Variants in PSD3 observed in about 807,000 individuals in gnomAD.
The protein encoded by PSD3 is PH and SEC7 domain-containing protein 3.
A neutral mutation model predicts 105.5 loss-of-function variants in PSD3; 49 were observed. The ratio of observed to expected loss-of-function variants is 0.46; its 90% CI spans 0.37 to 0.59. The LOEUF is 0.59. Among genes scored for constraint, PSD3 ranks in the 20% least tolerant of loss-of-function variants. PSD3 has a pLI of 0.00. For synonymous variants in PSD3, 557 were observed against 457.8 expected, an observed-to-expected ratio of 1.22 and a Z score of -2.77; for missense variants, 1,561 against 1,263.8, an observed-to-expected ratio of 1.24 and a Z score of -3.57.
chr8:18,885,806 C>A (rs974533061), intron 2 of PSD3, among the ~76,000 whole-genome samples: 24 of 152,180 alleles, frequency 1.6e-4, no homozygotes, highest in African/African-American at 5.8e-4. Context: ...AGAAATAAAT[C>A]TTGAATTACT....
intron 4 of PSD3, among the ~76,000 whole-genome samples, chr8:18,830,162 G>A (rs1318563276): frequency 6.6e-6 from 1 of 152,054 alleles, no homozygotes; most frequent in African/African-American, 2.4e-5. Flanking sequence ...GGCTGGTCTT[G>A]AACTACTGTC....
chr8:18,814,261 G>A (rs925058696), intron 4 of PSD3, among the ~76,000 whole-genome samples: 2 of 152,108 alleles, frequency 1.3e-5, no homozygotes, highest in Non-Finnish European at 2.9e-5. Context: ...CCCACCCGCC[G>A]CATACCTTCC....
intron 9 of PSD3, among the ~76,000 whole-genome samples, chr8:18,727,052 G>C (rs185595515): frequency 6.6e-6 from 1 of 151,954 alleles, no homozygotes; most frequent in Non-Finnish European, 1.5e-5. Flanking sequence ...AAATCGTCCA[G>C]GCAGGCCAGG....
rs533222731 is a variant in PSD3, at chr8:19,007,935, T to C, written c.21+5628A>G. ...TCTGCTCACTGCAACCTCCGCCTCCTGGGTTCAAGTGATTCTCCTGCCTCA... is the reference window on the plus strand; with the variant it reads ...TCTGCTCACTGCAACCTCCGCCTCCCGGGTTCAAGTGATTCTCCTGCCTCA... On this transcript the variant is annotated intron_variant, in intron 1 of 15. Transcript: ENST00000327040. Among the ~76,000 whole-genome samples the C allele has an allele frequency of 3.3e-5, 5 of 152,294 alleles. No homozygotes were observed. In the East Asian group the frequency reaches 9.7e-4, roughly 29 times the overall value.
intron 14 of PSD3, among the ~76,000 whole-genome samples, chr8:18,562,821 G>A (rs540140919): frequency 3.3e-5 from 5 of 152,068 alleles, no homozygotes; most frequent in East Asian, 1.9e-4. Flanking sequence ...CCTGGGAGGC[G>A]GAGGTTGCAG....
At chr8:18,904,702 ATT>A (rs1159651902) in intron 2 of PSD3, among the ~76,000 whole-genome samples, 1 of 152,182 alleles carries the variant, frequency 6.6e-6, no homozygotes. Flanking sequence ...AGGTCAGCAA[ATT>A]TTTTTCTGTA....
rs568477285 is a variant in PSD3 at position 18,843,119 on chromosome 8, G to A, written c.1634+24555C>T. On this transcript the variant is annotated intron_variant, in intron 4 of 15. Transcript: ENST00000327040. ...AGTAGCAAGAGTTATTGCTCTCTTT[G>A]GGAGGCCGAGACGGGCGGATCACGA... 2.6e-5 allele frequency among the ~76,000 whole-genome samples: 4 copies of A among 152,230 alleles called. No individual in the cohort carries two copies. The East Asian group carries it at 7.7e-4, about 29-fold the overall frequency.
chr8:19,072,164 C>A (rs933959313), intron 1 of PSD3, among the ~76,000 whole-genome samples: 1 of 150,842 alleles, frequency 6.6e-6, no homozygotes, highest in Non-Finnish European at 1.5e-5. Flanking sequence ...TGCAGTGGCA[C>A]GATCTCTGCT....
Position 18,562,945 on chromosome 8 carries a change from A to G in PSD3, c.2785-6593T>C, listed in dbSNP as rs1414840316. Among the ~76,000 whole-genome samples the G allele has an allele frequency of 2.6e-5, 4 of 151,970 alleles. No individual in the cohort carries two copies. The East Asian group carries it at 5.8e-4, about 22-fold the overall frequency. On this transcript the variant is annotated intron_variant, in intron 14 of 15. Transcript: ENST00000327040. ...AAAAAGAAAAAGAAAAAACAAAAAC[A>G]AAACAAAACCAAACCTATGTTACTC...
intron 12 of PSD3, among the ~76,000 whole-genome samples, chr8:18,576,154 T>C (rs1802451079): frequency 6.6e-6 from 1 of 152,094 alleles, no homozygotes; most frequent in African/African-American, 2.4e-5. Flanking sequence ...TCCCCTCCCT[T>C]TCATTTATCC....
intron 4 of PSD3, among the ~76,000 whole-genome samples, chr8:18,816,921 C>T (rs1421627392): frequency 1.3e-5 from 2 of 152,154 alleles, no homozygotes; most frequent in East Asian, 3.9e-4. Context: ...GGAGGGGTTG[C>T]TATTTTATTC....
At chr8:18,855,652 T>C (rs1318707682) in intron 4 of PSD3, among the ~76,000 whole-genome samples, 4 of 152,110 alleles carry the variant, frequency 2.6e-5, no homozygotes, top group Admixed American at 6.5e-5. Context: ...ATGGCCAGTT[T>C]CACAAAAGGA....
chr8:18,730,099 C>A (rs989146446), intron 9 of PSD3: 4 of 152,122 alleles, frequency 2.6e-5, no homozygotes, highest in Admixed American at 1.3e-4. Context: ...TCAAGTATTG[C>A]CTCTTTCTAA....
At position 18,799,985 on chromosome 8, in the gene PSD3, TTAGTA is replaced by T. The variant is rs1810540683; in HGVS notation, c.2024-637_2024-633del. On this transcript the variant is annotated intron_variant, in intron 7 of 15. Coordinates refer to ENST00000327040, the MANE Select transcript of PSD3 (RefSeq NM_015310.4). ...CAGGGTATTTTCAAAAGTAAGTTCTTTAGTATAGTAGGTGATTTCTGTTATCAGTG... is the reference window on the plus strand; with the variant it reads ...CAGGGTATTTTCAAAAGTAAGTTCTTTAGTAGGTGATTTCTGTTATCAGTG... Among the ~76,000 whole-genome samples, 4 of 152,178 alleles carry T rather than the reference TTAGTA, an allele frequency of 2.6e-5. No homozygotes were observed. In the South Asian group the frequency reaches 8.3e-4, roughly 32 times the overall value.
At chr8:18,668,773 A>G (rs1799622214) in intron 9 of PSD3, among the ~76,000 whole-genome samples, 1 of 152,222 alleles carries the variant, frequency 6.6e-6, no homozygotes, top group South Asian at 2.1e-4. Context: ...ACCTGTGTAC[A>G]TATTATTTTA....
chr8:18,919,189 C>A (rs1820828085), intron 2 of PSD3, among the ~76,000 whole-genome samples: 2 of 152,142 alleles, frequency 1.3e-5, no homozygotes, highest in South Asian at 4.1e-4. Context: ...GGGGCTTCAG[C>A]TTCTTCTAGC....
At chr8:19,084,794 G>A (rs921858228), upstream of PSD3, 5 of 251,112 alleles carry the variant, frequency 2.0e-5, no homozygotes, top group Non-Finnish European at 3.2e-5. Flanking sequence ...TGAGGTCCCA[G>A]CCTGCCAAGA....
intron 8 of PSD3, among the ~76,000 whole-genome samples, chr8:18,795,121 C>T (rs1810057607): frequency 6.6e-6 from 1 of 152,046 alleles, no homozygotes; most frequent in Non-Finnish European, 1.5e-5. Flanking sequence ...GTGACAAAAC[C>T]TAAACATACT....
chr8:18,575,493 T>A (rs1181876473), intron 12 of PSD3, among the ~76,000 whole-genome samples: 1 of 152,164 alleles, frequency 6.6e-6, no homozygotes. Flanking sequence ...AAAATACATC[T>A]ACCCAAGGCA....
Sources: allele counts gnomAD v4.1 joint callset (sites outside exome capture counted in the v4.1 genomes callset), GRCh38; gene constraint gnomAD v4.1.1; transcripts MANE v1.5; gene names NCBI Gene and HGNC (gene_info 2026-07-23, HGNC 2026-07-21).